Variants in ALMS1 observed in about 807,000 individuals in gnomAD.
ALMS1 encodes the protein centrosome-associated protein ALMS1.
A neutral mutation model predicts 352.2 loss-of-function variants in ALMS1; 271 were observed. That is an observed-to-expected ratio of 0.77 (90% CI 0.70 to 0.85). The LOEUF (loss-of-function observed/expected upper bound fraction) is 0.85. ALMS1 is among the 40% of genes least tolerant of loss of function. The pLI, the probability that ALMS1 is intolerant of heterozygous loss-of-function variation, is 0.00. For missense variants in ALMS1, 5,445 were observed against 4,870.7 expected (o/e 1.12, Z -3.51); for synonymous variants, 1,865 against 1,761.2 (o/e 1.06, Z -1.48).
At chr2:73,442,057 A>G (rs1269085831) in intron 7 of ALMS1, among the ~76,000 whole-genome samples, 1 of 152,290 alleles carries the variant, frequency 6.6e-6, no homozygotes. Context: ...GTCCTGAACT[A>G]TTAATAATAG....
chr2:73,392,260 ATGTGTGTGTGTGTGTGTG>A (rs60487895), intron 1 of ALMS1, among the ~76,000 whole-genome samples: 2,082 of 146,456 alleles, frequency 0.014, 102 homozygotes, highest in Admixed American at 0.085. Flanking sequence ...GTTTACTTTG[ATGTGTGTGTGTGTGTGTG>A]TGTGTGTGTG....
At chr2:73,456,640 G>T (rs1208090186) in intron 9 of ALMS1, 1 of 152,124 alleles carries the variant, frequency 6.6e-6, no homozygotes, top group Non-Finnish European at 1.5e-5. Flanking sequence ...ATTCTCCAGT[G>T]ATATAGTTTA....
chr2:73,402,508 A>G (rs1670894020), intron 1 of ALMS1, among the ~76,000 whole-genome samples: 1 of 151,810 alleles, frequency 6.6e-6, no homozygotes, highest in African/African-American at 2.4e-5. Flanking sequence ...TCCTAACCTC[A>G]GTGATCCTCC....
At position 73,490,238 on chromosome 2, in the gene ALMS1, C is replaced by A. The variant is rs754707930; in HGVS notation, c.8279C>A (p.Pro2760His). ...FNSHFTEEQN[P>H]PRDLKQKTSS... ...TCTCATTTCACTGAAGAACAAAATC[C>A]TCCCAGAGATCTTAAACAGAAAACC... The change falls in exon 10 of 23, where the codon CCT becomes CAT. Residue 2760 changes from proline (P) to histidine (H), a missense_variant. By Grantham distance (77) the Pro-to-His change is moderately conservative (BLOSUM62 -2). Transcript: ENST00000613296. 1.2e-6 allele frequency: 2 copies of A among 1,614,074 alleles called. No individual in the cohort carries two copies. Among genetic ancestry groups the A allele is most frequent in the Non-Finnish European group, 1.7e-6 (2 of 1,180,004 alleles).
chr2:73,562,947 T>C (rs910851846), intron 15 of ALMS1, among the ~76,000 whole-genome samples: 1 of 150,922 alleles, frequency 6.6e-6, no homozygotes, highest in African/African-American at 2.4e-5. Flanking sequence ...CTATAAAACA[T>C]CCAAAATATT....
chr2:73,609,234 G>A (rs774767453), intron 22 of ALMS1, among the ~76,000 whole-genome samples: 37 of 152,338 alleles, frequency 2.4e-4, no homozygotes, highest in African/African-American at 6.5e-4. Context: ...GAACCCAGGC[G>A]GGTGCCTCAG....
intron 7 of ALMS1, among the ~76,000 whole-genome samples, chr2:73,441,634 T>C (rs201209175): frequency 1.0e-5 from 1 of 98,836 alleles, no homozygotes; most frequent in Non-Finnish European, 1.9e-5. Flanking sequence ...TATTCCTATT[T>C]CTGGTCTTAG....
At chr2:73,474,399 G>C (rs1227716966) in intron 9 of ALMS1, among the ~76,000 whole-genome samples, 79 of 72,376 alleles carry the variant, frequency 1.1e-3, no homozygotes, top group African/African-American at 2.9e-3. Context: ...GTGTGTGTGT[G>C]TGTGTGTGTG....
rs10684777 is a variant in ALMS1, at chr2:73,559,314, C to CTA, written c.10384+185_10384+186dup. ...GTACTTTGATGCTACTATTAGGTTA[C>CTA]TATATATATATATAGATTTCCAAAA... On this transcript the variant is annotated intron_variant, in intron 15 of 22. Transcript: ENST00000613296. Among the ~76,000 whole-genome samples the CTA allele has an allele frequency of 0.3, 45,613 of 150,132 alleles. 8,319 individuals carry two copies. The highest frequency in any genetic ancestry group is 0.53 in the African/African-American group (21,476 of 40,824).
intron 7 of ALMS1, among the ~76,000 whole-genome samples, chr2:73,438,263 T>G (rs909102373): frequency 6.6e-6 from 1 of 152,230 alleles, no homozygotes; most frequent in Admixed American, 6.5e-5. Context: ...CCCTGATTTC[T>G]TATTTTTTTA....
chr2:73,388,640 G>A (rs1574425479), intron 1 of ALMS1, among the ~76,000 whole-genome samples: 2 of 152,262 alleles, frequency 1.3e-5, no homozygotes, highest in African/African-American at 4.8e-5. Flanking sequence ...TGCTGCAAAG[G>A]ACAGGATTTC....
chr2:73,609,559 C>T lies in ALMS1; in HGVS notation c.12463-9C>T. The T allele has an allele frequency of 6.2e-7, 1 of 1,614,062 alleles. No homozygotes were observed. Among genetic ancestry groups the T allele is most frequent in the Admixed American group, 1.7e-5 (1 of 60,026 alleles). On this transcript the variant is annotated splice_polypyrimidine_tract_variant and intron_variant, in intron 22 of 22. Coordinates refer to ENST00000613296, the MANE Select transcript of ALMS1 (RefSeq NM_001378454.1). ...CTAACTTCTTTCCTGCCTTTCTTTT[C>T]TTCTACAGAGAGTGACCAATCAACT...
At chr2:73,589,123 T>C (rs1675369680) in intron 16 of ALMS1, among the ~76,000 whole-genome samples, 1 of 152,100 alleles carries the variant, frequency 6.6e-6, no homozygotes. Flanking sequence ...TTCTTTTATA[T>C]TTTTGTCTAT....
Position 73,419,225 on chromosome 2 carries a change from A to G in ALMS1, c.553A>G (p.Thr185Ala). The G allele has an allele frequency of 3.1e-6, 5 of 1,614,002 alleles. No homozygotes were observed. Among genetic ancestry groups the G allele is most frequent in the Non-Finnish European group, 3.4e-6 (4 of 1,179,906 alleles). Residue 185 changes from threonine (T) to alanine (A), a missense_variant, in exon 3 of 23, where the codon ACA (threonine) becomes GCA (alanine). By Grantham distance (58) the Thr-to-Ala change is moderately conservative (BLOSUM62 0). Coordinates refer to ENST00000613296, the MANE Select transcript of ALMS1 (RefSeq NM_001378454.1). ...FNVRTEDTEV[T>A]DFPSLEEGIL... Reference sequence around the variant, plus strand: ...TGTGAGAACGGAAGATACTGAAGTGACAGACTTCCCCTCTCTGGAGGAGGG... The same window carrying G: ...TGTGAGAACGGAAGATACTGAAGTGGCAGACTTCCCCTCTCTGGAGGAGGG...
chr2:73,414,040 G>A (rs368655369), intron 2 of ALMS1, among the ~76,000 whole-genome samples: 6 of 151,990 alleles, frequency 3.9e-5, no homozygotes, highest in African/African-American at 1.2e-4. Context: ...GAATTAGCTC[G>A]CCCAATTTAT....
chr2:73,442,338 G>C (rs575707280), intron 7 of ALMS1, among the ~76,000 whole-genome samples: 2 of 152,138 alleles, frequency 1.3e-5, no homozygotes, highest in South Asian at 4.2e-4. Flanking sequence ...TCTGACCTAT[G>C]ATGATGGGCA....
At chr2:73,396,729 C>A (rs1262852840) in intron 1 of ALMS1, among the ~76,000 whole-genome samples, 3 of 150,938 alleles carry the variant, frequency 2.0e-5, no homozygotes, top group Non-Finnish European at 4.4e-5. Context: ...ACTGCAAGCT[C>A]CGCCTCCCAG....
intron 13 of ALMS1, 138 bp downstream of exon 13, chr2:73,550,575 A>C: frequency 9.5e-7 from 1 of 1,057,928 alleles, no homozygotes; most frequent in Non-Finnish European, 1.3e-6. Flanking sequence ...AGCATATACA[A>C]GAAGGCAAAA....
intron 9 of ALMS1, among the ~76,000 whole-genome samples, chr2:73,461,156 A>AC (rs1255401810): frequency 6.6e-6 from 1 of 152,080 alleles, no homozygotes; most frequent in Non-Finnish European, 1.5e-5. Flanking sequence ...TGGGTCCCTG[A>AC]CCCCCAAGCA....
Sources: allele counts gnomAD v4.1 joint callset (sites outside exome capture counted in the v4.1 genomes callset), GRCh38; gene constraint gnomAD v4.1.1; transcripts MANE v1.5; gene names NCBI Gene and HGNC (gene_info 2026-07-23, HGNC 2026-07-21).